Variants in MALRD1 observed in about 807,000 individuals in gnomAD.
MALRD1 encodes MAM and LDL-receptor class A domain-containing protein 1.
MALRD1 carries 247 observed loss-of-function variants against 242.1 expected under a neutral mutation model. The observed-to-expected ratio is 1.02, with a 90% CI of 0.92 to 1.13. The LOEUF is 1.13. Among genes scored for constraint, MALRD1 ranks in the 50% most tolerant of loss-of-function variants. MALRD1 has a pLI of 0.00. For synonymous variants in MALRD1, 995 were observed against 866.6 expected (o/e 1.15, Z -2.60); for missense variants, 2,989 against 2,533.1 (o/e 1.18, Z -3.86).
chr10:19,528,475 C>T (rs1834196720), intron 31 of MALRD1, among the ~76,000 whole-genome samples: 1 of 152,096 alleles, frequency 6.6e-6, no homozygotes, highest in African/African-American at 2.4e-5. Context: ...CACCTATAGT[C>T]CCATCTACTT....
At position 19,113,819 on chromosome 10, in the gene MALRD1, A is replaced by ACACT. The variant is rs1554791221; in HGVS notation, c.695-9670_695-9669insTCAC. Among the ~76,000 whole-genome samples, 328 of 147,222 alleles carry ACACT rather than the reference A, an allele frequency of 2.2e-3. 1 individual carries two copies. The highest frequency in any genetic ancestry group is 0.017 in the Middle Eastern group (5 of 292). ...CACACACACACACACACACACACAC[A>ACACT]CACACACACACAGACACACACACAC... On this transcript the variant is annotated intron_variant, in intron 5 of 39. Transcript: ENST00000454679.
intron 32 of MALRD1, among the ~76,000 whole-genome samples, chr10:19,561,649 G>A (rs1835966737): frequency 1.3e-5 from 2 of 151,988 alleles, no homozygotes; most frequent in Admixed American, 6.6e-5. Context: ...ATGGGGTTAT[G>A]ATTAGGTCTC....
intron 13 of MALRD1, among the ~76,000 whole-genome samples, chr10:19,167,466 C>G (rs1233899208): frequency 2.6e-5 from 4 of 152,288 alleles, no homozygotes; most frequent in Admixed American, 2.6e-4. Flanking sequence ...TTAAGGTCAT[C>G]TCATCCTCAT....
intron 21 of MALRD1, among the ~76,000 whole-genome samples, chr10:19,305,796 CA>C (rs952825938): frequency 7.4e-6 from 1 of 135,536 alleles, no homozygotes; most frequent in Non-Finnish European, 1.6e-5. Flanking sequence ...ATATATATAC[CA>C]TATATATACT....
intron 28 of MALRD1, among the ~76,000 whole-genome samples, chr10:19,431,073 C>T (rs1564333538): frequency 5.9e-5 from 9 of 152,066 alleles, no homozygotes. Context: ...TAAATGTGTG[C>T]CATGGTAGTT....
At chr10:19,311,982 C>A (rs1011428349) in intron 21 of MALRD1, among the ~76,000 whole-genome samples, 16 of 151,336 alleles carry the variant, frequency 1.1e-4, no homozygotes, top group Non-Finnish European at 1.6e-4. Context: ...TTTATATATT[C>A]AGAATTTAGA....
intron 35 of MALRD1, among the ~76,000 whole-genome samples, chr10:19,615,398 G>A (rs1292343972): frequency 6.7e-6 from 1 of 149,782 alleles, no homozygotes; most frequent in Non-Finnish European, 1.5e-5. Flanking sequence ...TGCCCCTGTG[G>A]CCCCAGCTAT....
chr10:19,422,809 A>G (rs1008475779), intron 28 of MALRD1, among the ~76,000 whole-genome samples: 2 of 152,198 alleles, frequency 1.3e-5, no homozygotes, highest in African/African-American at 4.8e-5. Flanking sequence ...AATTTCAATG[A>G]CAAAAAGTGC....
intron 32 of MALRD1, among the ~76,000 whole-genome samples, chr10:19,548,419 T>G (rs990091632): frequency 6.6e-6 from 1 of 152,150 alleles, no homozygotes; most frequent in Non-Finnish European, 1.5e-5. Flanking sequence ...GCCTATTAAA[T>G]TAGTTATCTA....
At chr10:19,566,382 G>T (rs952680698) in intron 32 of MALRD1, among the ~76,000 whole-genome samples, 1 of 141,074 alleles carries the variant, frequency 7.1e-6, no homozygotes, top group Middle Eastern at 4.5e-3. Flanking sequence ...CTCGTGATCT[G>T]CCCGCCTTGG....
At chr10:19,504,086 A>G (rs139544931) in intron 31 of MALRD1, among the ~76,000 whole-genome samples, 1 of 152,366 alleles carries the variant, frequency 6.6e-6, no homozygotes, top group East Asian at 1.9e-4. Context: ...ATAGTATTCA[A>G]TAAATACAAC....
chr10:19,238,274 TA>T (rs1838505885), intron 18 of MALRD1, among the ~76,000 whole-genome samples: 2 of 77,248 alleles, frequency 2.6e-5, no homozygotes, highest in African/African-American at 5.2e-5. Flanking sequence ...TTATATATAA[TA>T]TGTAATATAC....
At chr10:19,607,930 G>T in intron 35 of MALRD1, 28 bp downstream of exon 35, 1 of 1,547,492 alleles carries the variant, frequency 6.5e-7, no homozygotes. Flanking sequence ...AGATATTCTT[G>T]TGATATGAAC....
intron 29 of MALRD1, among the ~76,000 whole-genome samples, chr10:19,462,370 C>T (rs1232402660): frequency 1.3e-5 from 2 of 152,172 alleles, no homozygotes; most frequent in African/African-American, 2.4e-5. Context: ...TCAAACTAGC[C>T]AATTGTAAAT....
intron 29 of MALRD1, among the ~76,000 whole-genome samples, chr10:19,485,587 G>C (rs1837199475): frequency 6.6e-6 from 1 of 151,398 alleles, no homozygotes; most frequent in South Asian, 2.1e-4. Context: ...ACCTTGCAGT[G>C]AGCCCAGATC....
At chr10:19,636,792 A>G (rs1225324040) in intron 36 of MALRD1, among the ~76,000 whole-genome samples, 1 of 151,290 alleles carries the variant, frequency 6.6e-6, no homozygotes, top group African/African-American at 2.4e-5. Flanking sequence ...CCAGCTACTC[A>G]GGAGGCTGAG....
intron 36 of MALRD1, among the ~76,000 whole-genome samples, chr10:19,685,363 C>A (rs1842539251): frequency 1.3e-5 from 2 of 152,124 alleles, no homozygotes; most frequent in Non-Finnish European, 2.9e-5. Context: ...CTCAACATAT[C>A]TGGTAGAGTA....
intron 30 of MALRD1, among the ~76,000 whole-genome samples, chr10:19,492,757 A>G (rs1044897905): frequency 1.3e-5 from 2 of 151,888 alleles, no homozygotes; most frequent in African/African-American, 4.9e-5. Context: ...CAAAGTCTAG[A>G]CTAGACTTTC....
chr10:19,354,778 T>G (rs1368407364), intron 26 of MALRD1, among the ~76,000 whole-genome samples: 2 of 152,166 alleles, frequency 1.3e-5, no homozygotes. Flanking sequence ...AAAAAAATGA[T>G]AAATGTTTGA....
Sources: allele counts gnomAD v4.1 joint callset (sites outside exome capture counted in the v4.1 genomes callset), GRCh38; gene constraint gnomAD v4.1.1; transcripts MANE v1.5; gene names NCBI Gene and HGNC (gene_info 2026-07-23, HGNC 2026-07-21).